Variants in MCF2L observed in about 807,000 individuals in gnomAD.
The protein encoded by MCF2L is MCF.2 cell line derived transforming sequence like, also known as guanine nucleotide exchange factor DBS.
In MCF2L, 97 loss-of-function variants were observed where a neutral mutation model predicts 153.4. The observed-to-expected ratio is 0.63, with a 90% CI of 0.54 to 0.75. The LOEUF is 0.75. Among genes scored for constraint, MCF2L ranks in the 30% least tolerant of loss-of-function variants. The pLI, the probability that MCF2L is intolerant of heterozygous loss-of-function variation, is 0.00. For synonymous variants in MCF2L, 659 were observed against 632.2 expected (o/e 1.04, Z -0.64); for missense variants, 1,347 against 1,495.2 (o/e 0.90, Z 1.64).
intron 2 of MCF2L, among the ~76,000 whole-genome samples, chr13:112,950,534 A>G (rs934226937): frequency 2.6e-5 from 4 of 152,230 alleles, no homozygotes; most frequent in Non-Finnish European, 5.9e-5. Context: ...GCAGACTGAC[A>G]GATAATAGAA....
At chr13:113,077,010 CA>C (rs1238265671) in intron 12 of MCF2L, 41 bp from the exon 13 acceptor site, 2 of 1,573,914 alleles carry the variant, frequency 1.3e-6, no homozygotes, top group Non-Finnish European at 1.7e-6. Context: ...TTAGTGATGA[CA>C]CCAACATGTG....
intron 4 of MCF2L, among the ~76,000 whole-genome samples, chr13:113,058,968 G>A (rs28490502): frequency 1.3e-4 from 2 of 15,724 alleles, no homozygotes; most frequent in Non-Finnish European, 2.7e-4. Context: ...GTGTTTCAGC[G>A]CTGTTTGGGT....
chr13:112,915,583 G>C (rs79017713), intron 2 of MCF2L, among the ~76,000 whole-genome samples: 2,135 of 151,852 alleles, frequency 0.014, 48 homozygotes, highest in African/African-American at 0.048. Context: ...TGGTGGTCTC[G>C]TTTCACTGCT....
chr13:112,984,682 G>T (rs983242695), intron 1 of MCF2L, among the ~76,000 whole-genome samples: 1 of 152,196 alleles, frequency 6.6e-6, no homozygotes, highest in African/African-American at 2.4e-5. Flanking sequence ...CTTCCTAGTA[G>T]CGCGTGCAAA....
intron 2 of MCF2L, among the ~76,000 whole-genome samples, chr13:112,949,739 A>G (rs2081672795): frequency 6.6e-6 from 1 of 151,338 alleles, no homozygotes; most frequent in South Asian, 2.1e-4. Context: ...AGAGGGGGGG[A>G]CCGTCTTACT....
chr13:113,089,246 C>A lies in MCF2L; in HGVS notation c.2835-364C>A, dbSNP rs553441498. Among the ~76,000 whole-genome samples the A allele has an allele frequency of 2.3e-3, 338 of 145,930 alleles. 8 individuals are homozygous for A. The highest frequency in any genetic ancestry group is 4.0e-3 in the Non-Finnish European group (267 of 66,260). The stretch of plus-strand genomic sequence containing the variant: ...GGTGGGCGTCTGTTCTCATCCAGCC[C>A]GTCCGGGTTTAACTTAGAAGTGTGT... On this transcript the variant is annotated intron_variant, in intron 25 of 29. Transcript: ENST00000535094.
chr13:113,055,233 G>A (rs1220751559), intron 4 of MCF2L, among the ~76,000 whole-genome samples: 2 of 151,882 alleles, frequency 1.3e-5, no homozygotes, highest in African/African-American at 2.4e-5. Flanking sequence ...CTTAAAATAC[G>A]AAACCCTAAA....
intron 27 of MCF2L, chr13:113,094,936 A>T: frequency 7.3e-7 from 1 of 1,378,804 alleles, no homozygotes; most frequent in Non-Finnish European, 9.7e-7. Context: ...CCTCTGTCTC[A>T]GCAGCACTTT....
chr13:112,935,894 G>A (rs2081509753), intron 2 of MCF2L, among the ~76,000 whole-genome samples: 2 of 152,176 alleles, frequency 1.3e-5, no homozygotes, highest in African/African-American at 4.8e-5. Context: ...TGGGGTTGAT[G>A]CGGCCACAAG....
Position 113,098,575 on chromosome 13 carries a change from GA to G in MCF2L, c.*1718del, listed in dbSNP as rs1196388875. On this transcript the variant is annotated 3_prime_UTR_variant, in exon 30 of 30. Transcript: ENST00000535094. ...ATCTGCCTTTGTCTGTCAAGACACA[GA>G]ACGTCTCAGCAGTCGGGGTTTCCAG... The G allele has an allele frequency of 6.6e-6, 1 of 152,274 alleles. No homozygotes were observed. Among genetic ancestry groups the G allele is most frequent in the Non-Finnish European group, 1.5e-5 (1 of 68,056 alleles). The allele number at this position is 152,274 out of a possible 1,614,324, so 9.4% of individuals were successfully genotyped here. A position where few individuals can be genotyped will look rare whatever the true frequency, so the allele number is the denominator to read the frequency against.
At chr13:112,981,019 G>A (rs548581212) in intron 1 of MCF2L, among the ~76,000 whole-genome samples, 2 of 151,012 alleles carry the variant, frequency 1.3e-5, no homozygotes, top group African/African-American at 4.8e-5. Context: ...TGTGCACTGG[G>A]GACTCTGACA....
chr13:113,020,273 C>T (rs1340585525), intron 2 of MCF2L, among the ~76,000 whole-genome samples: 7 of 152,182 alleles, frequency 4.6e-5, no homozygotes, highest in Non-Finnish European at 1.0e-4. Flanking sequence ...GTGTTTGGGC[C>T]GAGGCATCAC....
chr13:112,973,849 G>T (rs891577196), intron 1 of MCF2L, among the ~76,000 whole-genome samples: 10 of 152,170 alleles, frequency 6.6e-5, no homozygotes, highest in Admixed American at 1.3e-4. Context: ...CCTGAGAAGG[G>T]GATGCCTGCG....
At chr13:113,001,718 A>T in intron 1 of MCF2L, 2 of 1,359,826 alleles carry the variant, frequency 1.5e-6, no homozygotes, top group Non-Finnish European at 1.9e-6. Flanking sequence ...TTAATCAGGG[A>T]CATCGAATCG....
intron 11 of MCF2L, 82 bp downstream of exon 11, chr13:113,075,271 T>G (rs2033350271): frequency 4.2e-5 from 56 of 1,330,034 alleles, no homozygotes; most frequent in Non-Finnish European, 5.6e-5. Flanking sequence ...CGGCTGACCC[T>G]TGTCGTGGGG....
chr13:113,094,351 T>C, intron 26 of MCF2L, 163 bp from the exon 27 acceptor site: 2 of 587,862 alleles, frequency 3.4e-6, no homozygotes, highest in South Asian at 3.2e-5. Flanking sequence ...TTTGCAGGGG[T>C]GTCCTGCTCA....
chr13:113,026,793 T>G, intron 3 of MCF2L: 1 of 604,346 alleles, frequency 1.7e-6, no homozygotes, highest in East Asian at 2.8e-5. Flanking sequence ...CAGGCTGCAG[T>G]TTTTTGTTTT....
chr13:113,096,880 C>T lies in MCF2L; in HGVS notation c.*21C>T, dbSNP rs1434868918. 2.2e-6 allele frequency: 3 copies of T among 1,380,968 alleles called. No individual in the cohort carries two copies. Among genetic ancestry groups the T allele is most frequent in the Non-Finnish European group, 2.8e-6 (3 of 1,072,078 alleles). 85.5% of individuals were successfully genotyped at this position (1,380,968 alleles called of 1,614,324 possible). A position where few individuals can be genotyped will look rare whatever the true frequency, so the allele number is the denominator to read the frequency against. ...GGTAGCGCGGCCTCGGCGCCGGAGA[C>T]CCGCGCGCTGTCTGGGGCTGCGGTG... is the stretch of plus-strand genomic sequence containing the variant. On this transcript the variant is annotated 3_prime_UTR_variant, in exon 30 of 30. Coordinates refer to ENST00000535094, the MANE Select transcript of MCF2L (RefSeq NM_001112732.3).
In MCF2L at chr13:113,094,681, C is replaced by T. The variant is rs947413109; in HGVS notation, c.3075+46C>T. The T allele has an allele frequency of 6.7e-5, 106 of 1,583,682 alleles. No homozygotes were observed. In the South Asian group the frequency reaches 9.7e-4, roughly 15 times the overall value. The stretch of plus-strand genomic sequence containing the variant: ...GGCACTTGGGGTGGGGGCTGCCCTC[C>T]GGGGATTAGGGGTGCTTCTGGCAGG... On this transcript the variant is annotated intron_variant, in intron 27 of 29. Coordinates refer to ENST00000535094, the MANE Select transcript of MCF2L (RefSeq NM_001112732.3).
Sources: allele counts gnomAD v4.1 joint callset (sites outside exome capture counted in the v4.1 genomes callset), GRCh38; gene constraint gnomAD v4.1.1; transcripts MANE v1.5; gene names NCBI Gene and HGNC (gene_info 2026-07-23, HGNC 2026-07-21).